Variants in TTC7A observed in about 807,000 individuals in gnomAD.
TTC7A encodes tetratricopeptide repeat protein 7A.
TTC7A carries 110 observed loss-of-function variants against 103.7 expected under a neutral mutation model. The observed-to-expected ratio is 1.06, with a 90% CI of 0.91 to 1.24. The LOEUF (loss-of-function observed/expected upper bound fraction) is 1.24. Among genes scored for constraint, TTC7A ranks in the 50% most tolerant of loss-of-function variants. The probability of loss-of-function intolerance (pLI) is 0.00; values close to 1 mark genes in which losing one functional copy is unlikely to be tolerated. For synonymous variants in TTC7A, 521 were observed against 467.9 expected (o/e 1.11, Z -1.47); for missense variants, 1,340 against 1,116.3 (o/e 1.20, Z -2.86).
chr2:47,014,570 T>C (rs1455819712), intron 11 of TTC7A, among the ~76,000 whole-genome samples: 2 of 152,240 alleles, frequency 1.3e-5, no homozygotes, highest in South Asian at 4.1e-4. Flanking sequence ...CTGTACTCTC[T>C]GTTCCTGAGG....
At position 46,999,043 on chromosome 2, in the gene TTC7A, C is replaced by T. The variant is rs1477375843; in HGVS notation, c.1065+3844C>T. Among the ~76,000 whole-genome samples the T allele has an allele frequency of 3.9e-5, 6 of 152,052 alleles. No individual in the cohort carries two copies. In the East Asian group the frequency reaches 9.6e-4, roughly 24 times the overall value. ...ATTGATTCATTCATATATCGATCAC[C>T]GACCCACTTTACCATTTATCCTTCT... On this transcript the variant is annotated intron_variant, in intron 8 of 19. Transcript: ENST00000319190.
At chr2:46,996,947 CAG>C (rs1356094653) in intron 8 of TTC7A, among the ~76,000 whole-genome samples, 1 of 151,334 alleles carries the variant, frequency 6.6e-6, no homozygotes, top group Non-Finnish European at 1.5e-5. Flanking sequence ...TCTGGAAACA[CAG>C]AGTTTTTTTT....
At chr2:46,990,408 GTTC>G (rs1366636226) in intron 5 of TTC7A, among the ~76,000 whole-genome samples, 4 of 152,188 alleles carry the variant, frequency 2.6e-5, no homozygotes, top group Admixed American at 6.5e-5. Flanking sequence ...CAGGAATCCT[GTTC>G]TTCTGTCCTC....
Position 46,941,458 on chromosome 2 carries a change from C to T in TTC7A, c.-84C>T. 2 of 1,426,676 alleles carry T rather than the reference C, an allele frequency of 1.4e-6. No individual in the cohort carries two copies. Among genetic ancestry groups the T allele is most frequent in the South Asian group, 2.8e-5 (2 of 71,334 alleles). The allele number at this position is 1,426,676 out of a possible 1,614,324, so 88.4% of individuals were successfully genotyped here. On this transcript the variant is annotated 5_prime_UTR_variant, in exon 1 of 20. Coordinates refer to ENST00000319190, the MANE Select transcript of TTC7A (RefSeq NM_020458.4). The surrounding 1 kb of genome is among the most constrained non-coding windows in gnomAD (Gnocchi z 4.2). The stretch of plus-strand genomic sequence containing the variant: ...CGTCTGCGCCCCCGTCGACCCCGCC[C>T]GCGAGTGCGCCCCAGCCAGGACGCC...
intron 18 of TTC7A, among the ~76,000 whole-genome samples, chr2:47,055,921 ACT>A (rs1331587983): frequency 5.4e-5 from 8 of 148,064 alleles, no homozygotes; most frequent in Non-Finnish European, 1.2e-4. Context: ...ATGCTCCTCT[ACT>A]CTTTGTCATC....
At chr2:46,987,404 C>T (rs902619937) in intron 5 of TTC7A, among the ~76,000 whole-genome samples, 8 of 152,116 alleles carry the variant, frequency 5.3e-5, no homozygotes, top group Non-Finnish European at 1.0e-4. Flanking sequence ...GGAGGGGGAC[C>T]GTGCAGTGCC....
intron 8 of TTC7A, among the ~76,000 whole-genome samples, chr2:46,995,434 G>A (rs775918746): frequency 1.3e-5 from 2 of 152,250 alleles, no homozygotes; most frequent in Non-Finnish European, 2.9e-5. Context: ...AATAAGTAGA[G>A]ACTGAGTGCC....
At chr2:47,039,071 C>A (rs1681463331) in intron 15 of TTC7A, among the ~76,000 whole-genome samples, 1 of 152,150 alleles carries the variant, frequency 6.6e-6, no homozygotes, top group Admixed American at 6.5e-5. Flanking sequence ...CCTTAGTTCT[C>A]CCAGCAACCC....
chr2:46,916,048 G>A (rs6544938), upstream of TTC7A: 25,437 of 985,432 alleles, frequency 0.026, 784 homozygotes, highest in African/African-American at 0.13. Context: ...GGGCCCGGCA[G>A]TTGCTAGGCA....
chr2:46,952,807 C>T (rs756587274), intron 2 of TTC7A, among the ~76,000 whole-genome samples: 2 of 152,220 alleles, frequency 1.3e-5, no homozygotes, highest in Non-Finnish European at 2.9e-5. Context: ...CACACCCATC[C>T]TCAGAGTTGA....
At chr2:46,980,999 C>A (rs945828258) in intron 5 of TTC7A, among the ~76,000 whole-genome samples, 1 of 152,166 alleles carries the variant, frequency 6.6e-6, no homozygotes, top group Non-Finnish European at 1.5e-5. Flanking sequence ...ACCACTGCCA[C>A]GTGTCCAGCA....
At chr2:47,024,424 G>T in intron 14 of TTC7A, 65 bp downstream of exon 14, 1 of 1,443,792 alleles carries the variant, frequency 6.9e-7, no homozygotes, top group South Asian at 1.3e-5. Flanking sequence ...TGGAAACCCA[G>T]CTTACCAGCT....
intron 15 of TTC7A, among the ~76,000 whole-genome samples, chr2:47,033,690 G>C (rs55813407): frequency 0.12 from 18,004 of 152,220 alleles, 1,093 homozygotes; most frequent in African/African-American, 0.15. Flanking sequence ...CCCTGGCTTG[G>C]GAGGTTTATT....
chr2:46,961,877 A>G (rs1672412381), intron 3 of TTC7A, among the ~76,000 whole-genome samples: 1 of 152,174 alleles, frequency 6.6e-6, no homozygotes, highest in African/African-American at 2.4e-5. Flanking sequence ...CCATGGCACT[A>G]CAGCTTGGGT....
At position 47,011,397 on chromosome 2, in the gene TTC7A, C is replaced by G; in HGVS notation, c.1354C>G (p.Leu452Val). ...KLRPSDPTVP[L>V]MAAKVCIGSL... The stretch of plus-strand genomic sequence containing the variant: ...GCGGCCCTCGGACCCCACCGTGCCC[C>G]TGATGGCCGCGAAGGTCTGCATCGG... The change falls in exon 11 of 20, where the codon CTG becomes GTG. Residue 452 changes from leucine to valine, a missense_variant. Transcript: ENST00000319190. The G allele has an allele frequency of 8.1e-6, 13 of 1,611,114 alleles. No homozygotes were observed. The highest frequency in any genetic ancestry group is 1.1e-5 in the Non-Finnish European group (13 of 1,179,904).
chr2:47,029,449 C>A, intron 15 of TTC7A, 65 bp downstream of exon 15: 1 of 1,549,248 alleles, frequency 6.5e-7, no homozygotes, highest in Non-Finnish European at 8.9e-7. Context: ...GGCGCCCATG[C>A]ACACCTGCCC....
chr2:47,018,289 A>C (rs1290787802), intron 11 of TTC7A, among the ~76,000 whole-genome samples: 144 of 151,702 alleles, frequency 9.5e-4, no homozygotes, highest in Non-Finnish European at 1.8e-3. Context: ...CAGAAAAAAA[A>C]AAAAAAAAGC....
intron 18 of TTC7A, chr2:47,054,079 A>G (rs1310763598): frequency 1.0e-6 from 1 of 980,912 alleles, no homozygotes; most frequent in Non-Finnish European, 1.2e-6. Flanking sequence ...TTCTTTGGTC[A>G]TTGTCTTAGA....
At chr2:47,015,052 G>A (rs1429406221) in intron 11 of TTC7A, among the ~76,000 whole-genome samples, 2 of 152,210 alleles carry the variant, frequency 1.3e-5, no homozygotes, top group South Asian at 2.1e-4. Context: ...AGCAGGTTTG[G>A]GTTTGGAATG....
Sources: allele counts gnomAD v4.1 joint callset (sites outside exome capture counted in the v4.1 genomes callset), GRCh38; gene constraint gnomAD v4.1.1; non-coding constraint Gnocchi (gnomAD v3.1); transcripts MANE v1.5; gene names NCBI Gene and HGNC (gene_info 2026-07-23, HGNC 2026-07-21).